XPR1: variants seen among roughly 807,000 people sequenced by gnomAD.
The protein encoded by XPR1 is xenotropic and polytropic retrovirus receptor 1, also known as solute carrier family 53 member 1.
In XPR1, 28 loss-of-function variants were observed where a neutral mutation model predicts 87.5. The observed-to-expected ratio is 0.32, with a 90% CI of 0.24 to 0.44. The LOEUF (loss-of-function observed/expected upper bound fraction) is 0.44. Among genes scored for constraint, XPR1 ranks in the 20% least tolerant of loss-of-function variants. The pLI, the probability that XPR1 is intolerant of heterozygous loss-of-function variation, is 1.00. For synonymous variants in XPR1, 300 were observed against 306.1 expected (o/e 0.98, Z 0.21); for missense variants, 559 against 862.3 (o/e 0.65, Z 4.41).
chr1:180,794,237 A>G (rs1649491683), intron 3 of XPR1, among the ~76,000 whole-genome samples: 1 of 152,220 alleles, frequency 6.6e-6, no homozygotes, highest in East Asian at 1.9e-4. Flanking sequence ...ATGTTACTAC[A>G]GAGAATACTG....
chr1:180,709,801 G>A (rs1012442604), intron 2 of XPR1, among the ~76,000 whole-genome samples: 6 of 151,206 alleles, frequency 4.0e-5, no homozygotes, highest in Non-Finnish European at 7.4e-5. Flanking sequence ...TTTATTTGCC[G>A]TTGGTATATC....
At chr1:180,634,043 G>A (rs1050124600) in intron 1 of XPR1, among the ~76,000 whole-genome samples, 6 of 152,116 alleles carry the variant, frequency 3.9e-5, no homozygotes, top group African/African-American at 7.2e-5. Context: ...AGAAGCATAC[G>A]ATTTAGTTTG....
At chr1:180,783,281 C>T (rs1344575489) in intron 2 of XPR1, among the ~76,000 whole-genome samples, 1 of 151,962 alleles carries the variant, frequency 6.6e-6, no homozygotes, top group Admixed American at 6.6e-5. Context: ...AAACTCTATT[C>T]AACTAGCTAT....
chr1:180,744,304 TAACTTTTTTATTTAG>T (rs1265594896), intron 2 of XPR1, among the ~76,000 whole-genome samples: 2 of 152,324 alleles, frequency 1.3e-5, no homozygotes, highest in Non-Finnish European at 2.9e-5. Context: ...TTTTCAGTTC[TAACTTTTTTATTTAG>T]AACTTTTTTT....
At chr1:180,643,649 A>G (rs1162410588) in intron 1 of XPR1, among the ~76,000 whole-genome samples, 1 of 152,178 alleles carries the variant, frequency 6.6e-6, no homozygotes, top group Non-Finnish European at 1.5e-5. Context: ...TATTTAAGTA[A>G]TTGTCCAAAG....
intron 11 of XPR1, among the ~76,000 whole-genome samples, chr1:180,858,757 A>G (rs1378944203): frequency 6.6e-6 from 1 of 152,198 alleles, no homozygotes; most frequent in African/African-American, 2.4e-5. Flanking sequence ...CTTAACTATA[A>G]AATGGGAATA....
chr1:180,842,967 C>T (rs951348816), intron 11 of XPR1, among the ~76,000 whole-genome samples: 2 of 152,128 alleles, frequency 1.3e-5, no homozygotes, highest in Non-Finnish European at 2.9e-5. Context: ...ATTAAGAGTT[C>T]ATTTATGTCT....
intron 7 of XPR1, among the ~76,000 whole-genome samples, chr1:180,811,903 A>G (rs1234657620): frequency 6.6e-6 from 1 of 152,156 alleles, no homozygotes; most frequent in Non-Finnish European, 1.5e-5. Context: ...TCTATTTACA[A>G]TTACTTTGCA....
intron 1 of XPR1, among the ~76,000 whole-genome samples, chr1:180,680,024 A>C (rs1405409111): frequency 6.6e-6 from 1 of 152,198 alleles, no homozygotes; most frequent in Non-Finnish European, 1.5e-5. Flanking sequence ...AAGGAACTCA[A>C]ACATCTTAAC....
intron 2 of XPR1, among the ~76,000 whole-genome samples, chr1:180,733,214 G>T (rs762059803): frequency 6.6e-6 from 1 of 152,160 alleles, no homozygotes; most frequent in African/African-American, 2.4e-5. Flanking sequence ...CAACATTTGG[G>T]CAGGAAAACA....
At chr1:180,706,420 G>C (rs1330116162) in intron 2 of XPR1, among the ~76,000 whole-genome samples, 2 of 152,144 alleles carry the variant, frequency 1.3e-5, no homozygotes, top group African/African-American at 2.4e-5. Flanking sequence ...GCAACAATTA[G>C]AGCCATATGC....
At chr1:180,682,327 A>T in intron 1 of XPR1, 33 bp from the exon 2 acceptor site, 2 of 1,541,026 alleles carry the variant, frequency 1.3e-6, no homozygotes, top group Non-Finnish European at 1.8e-6. Flanking sequence ...CTTACTCATG[A>T]TTTCATATAT....
At chr1:180,684,238 G>T (rs1442432315) in intron 2 of XPR1, among the ~76,000 whole-genome samples, 2 of 152,124 alleles carry the variant, frequency 1.3e-5, no homozygotes, top group Admixed American at 6.5e-5. Context: ...TTTCCCCATT[G>T]CTTGTTTTTG....
Position 180,656,699 on chromosome 1 carries a change from T to A in XPR1, c.69+24429T>A, listed in dbSNP as rs567436417. On this transcript the variant is annotated intron_variant, in intron 1 of 14. Coordinates refer to ENST00000367590, the MANE Select transcript of XPR1 (RefSeq NM_004736.4). ...TATAATTATATAATATATATGTATT[T>A]TATATATATATATAAAATATTTTCA... Among the ~76,000 whole-genome samples, 164 of 131,062 alleles carry A rather than the reference T, an allele frequency of 1.3e-3. 1 individual carries two copies. In the Middle Eastern group the frequency reaches 0.018, roughly 15 times the overall value. 86.0% of individuals were successfully genotyped at this position (131,062 alleles called of 152,430 possible).
chr1:180,698,221 A>G (rs960131789), intron 2 of XPR1, among the ~76,000 whole-genome samples: 2 of 152,012 alleles, frequency 1.3e-5, no homozygotes, highest in African/African-American at 4.8e-5. Flanking sequence ...TTTTTGACTT[A>G]AAGTTTGTTT....
At chr1:180,781,772 A>C (rs1290910708) in intron 2 of XPR1, among the ~76,000 whole-genome samples, 4 of 151,784 alleles carry the variant, frequency 2.6e-5, no homozygotes, top group Admixed American at 2.6e-4. Context: ...GCACCCATTA[A>C]CTCGTCATTT....
chr1:180,687,997 A>G (rs1656844164), intron 2 of XPR1, among the ~76,000 whole-genome samples: 1 of 150,620 alleles, frequency 6.6e-6, no homozygotes, highest in African/African-American at 2.4e-5. Context: ...GAAATATGTG[A>G]CTGAGATGTT....
chr1:180,653,464 C>G (rs1655356157), intron 1 of XPR1, among the ~76,000 whole-genome samples: 1 of 152,126 alleles, frequency 6.6e-6, no homozygotes, highest in African/African-American at 2.4e-5. Context: ...TGTTGTCTTT[C>G]TCAAAGAAGC....
intron 1 of XPR1, among the ~76,000 whole-genome samples, chr1:180,673,283 C>CA (rs930875166): frequency 1.5e-4 from 22 of 151,364 alleles, no homozygotes; most frequent in Non-Finnish European, 2.8e-4. Context: ...CCTATTTTTA[C>CA]AAAAAAAGGT....
Sources: allele counts gnomAD v4.1 joint callset (sites outside exome capture counted in the v4.1 genomes callset), GRCh38; gene constraint gnomAD v4.1.1; transcripts MANE v1.5; gene names NCBI Gene and HGNC (gene_info 2026-07-23, HGNC 2026-07-21).